The following FASTKD5 variants were observed in gnomAD, a reference collection of about 807,000 sequenced individuals.
FASTKD5 encodes non-canonical pre-mRNAs endonuclease FASTKD5, mitochondrial.
A neutral mutation model predicts 44.0 loss-of-function variants in FASTKD5; 30 were observed. That is an observed-to-expected ratio of 0.68 (90% CI 0.51 to 0.93). FASTKD5 has a LOEUF of 0.93. FASTKD5 is among the 40% of genes least tolerant of loss of function. FASTKD5 has a pLI of 0.00. For synonymous variants in FASTKD5, 335 were observed against 342.2 expected (o/e 0.98, Z 0.23); for missense variants, 868 against 908.2 (o/e 0.96, Z 0.57).
chr20:3,158,061 GCCT>G (rs1184685651), intron 1 of FASTKD5, among the ~76,000 whole-genome samples: 2 of 152,040 alleles, frequency 1.3e-5, no homozygotes, highest in African/African-American at 4.8e-5. Context: ...TCCCACCTCA[GCCT>G]CCTAAGTAGC....
Position 3,146,673 on chromosome 20 carries a change from C to G in FASTKD5, c.*103G>C, listed in dbSNP as rs2066565897. ...GATACAATTAAGTCTCCTCAACACA[C>G]TATTTTATCGCCAAACTTACATTCT... On this transcript the variant is annotated 3_prime_UTR_variant, in exon 2 of 2. Transcript: ENST00000380266. 7.2e-7 allele frequency: 1 copy of G among 1,379,986 alleles called. No homozygotes were observed. The highest frequency in any genetic ancestry group is 1.4e-5 in the African/African-American group (1 of 69,016). 85.5% of individuals were successfully genotyped at this position (1,379,986 alleles called of 1,614,324 possible). A position where few individuals can be genotyped will look rare whatever the true frequency, so the allele number is the denominator to read the frequency against.
At position 3,147,572 on chromosome 20, in the gene FASTKD5, C is replaced by T. The variant is rs770776460; in HGVS notation, c.1499G>A (p.Arg500Lys). 1 of 1,614,186 alleles carries T rather than the reference C, an allele frequency of 6.2e-7. No individual in the cohort carries two copies. Among genetic ancestry groups the T allele is most frequent in the Non-Finnish European group, 8.5e-7 (1 of 1,180,044 alleles). ...AAACTTAGTTCTCTCCTGAGCTAAC[C>T]TGACAAACCCTGGACTGAGAGCGAA... ...IDFALSPGFV[R>K]LAQERTKFDL... The change falls in exon 2 of 2, where the codon AGG becomes AAG. Residue 500 changes from arginine to lysine, a missense_variant. Arg to Lys is a conservative substitution (Grantham distance 26). Transcript: ENST00000380266.
intron 1 of FASTKD5, chr20:3,150,774 C>T (rs1429837285): frequency 1.3e-5 from 2 of 152,234 alleles, no homozygotes; most frequent in Non-Finnish European, 2.9e-5. Flanking sequence ...CCCAGCTACA[C>T]AGGCTTCTCT....
chr20:3,158,773 C>T (rs530160475), intron 1 of FASTKD5, among the ~76,000 whole-genome samples: 1 of 152,306 alleles, frequency 6.6e-6, no homozygotes, highest in African/African-American at 2.4e-5. Context: ...TGTGTCCGGC[C>T]CAGATTTTAT....
rs368858407 is a variant in FASTKD5 at position 3,147,485 on chromosome 20, C to G, written c.1586G>C (p.Arg529Thr). ...AAGGTGAGTACTAAGACGATTGCCT[C>G]TGTAATCTGGACACTCAATGCCAAC... ...GTVGIECPDY[R>T]GNRLSTHLQQ... Residue 529 changes from arginine to threonine, a missense_variant, in exon 2 of 2, where the codon AGA becomes ACA. Transcript: ENST00000380266. 1.8e-5 allele frequency: 29 copies of G among 1,614,220 alleles called. No homozygotes were observed. The highest frequency in any genetic ancestry group is 2.4e-5 in the Non-Finnish European group (28 of 1,180,050).
intron 1 of FASTKD5, among the ~76,000 whole-genome samples, chr20:3,159,400 C>G (rs1406390185): frequency 1.3e-5 from 2 of 152,210 alleles, no homozygotes; most frequent in Non-Finnish European, 2.9e-5. Flanking sequence ...GAATCAGAAT[C>G]TCTAAGCGAT....
chr20:3,154,516 C>T (rs1471390069), intron 1 of FASTKD5, among the ~76,000 whole-genome samples: 4 of 151,834 alleles, frequency 2.6e-5, no homozygotes, highest in African/African-American at 9.7e-5. Context: ...ACCCCCACCT[C>T]TACAAAATAT....
chr20:3,146,774 C>G lies in FASTKD5; in HGVS notation c.*2G>C. On this transcript the variant is annotated 3_prime_UTR_variant, in exon 2 of 2. Coordinates refer to ENST00000380266, the MANE Select transcript of FASTKD5 (RefSeq NM_021826.5). ...TGCCATAGAAATGCCCCTAAATGCC[C>G]TTCAGAGAGCAGAGGTGAATACTTT... 1 of 1,611,660 alleles carries G rather than the reference C, an allele frequency of 6.2e-7. No individual in the cohort carries two copies. The highest frequency in any genetic ancestry group is 1.3e-5 in the African/African-American group (1 of 75,006).
At chr20:3,157,094 C>A (rs1392599631) in intron 1 of FASTKD5, among the ~76,000 whole-genome samples, 1 of 126,754 alleles carries the variant, frequency 7.9e-6, no homozygotes, top group Non-Finnish European at 1.5e-5. Flanking sequence ...GACCCTGTCT[C>A]TACCAAAAAA....
Position 3,148,089 on chromosome 20 carries a change from A to G in FASTKD5, c.982T>C (p.Ser328Pro). The change falls in exon 2 of 2, where the codon TCA (serine) becomes CCA (proline). Residue 328 changes from serine (S) to proline (P), a missense_variant. Transcript: ENST00000380266. ...ACAAATTCAGAGAGATTAGTACTTG[A>G]TTTAAAGAACCCCAAACAGATGGTA... ...VGTICLGFFK[S>P]STNLSEFVMR... The G allele has an allele frequency of 6.2e-7, 1 of 1,614,108 alleles. No homozygotes were observed. Among genetic ancestry groups the G allele is most frequent in the Non-Finnish European group, 8.5e-7 (1 of 1,180,020 alleles).
At chr20:3,157,655 G>A (rs2066700443) in intron 1 of FASTKD5, among the ~76,000 whole-genome samples, 1 of 152,148 alleles carries the variant, frequency 6.6e-6, no homozygotes, top group East Asian at 1.9e-4. Context: ...CAGGCAGTAG[G>A]CACTCATGTC....
rs895115117 is a variant in FASTKD5, at chr20:3,149,696, T to C, written c.-190-436A>G. Among the ~76,000 whole-genome samples the C allele has an allele frequency of 6.6e-6, 1 of 152,160 alleles. No individual in the cohort carries two copies. Among genetic ancestry groups the C allele is most frequent in the African/African-American group, 2.4e-5 (1 of 41,438 alleles). ...ATAAAAACTGCTATGCTAACAGCAC[T>C]AAGTAAAAAGTGGGATCTGGTATAA... is the stretch of plus-strand genomic sequence containing the variant. On this transcript the variant is annotated intron_variant, in intron 1 of 1. Transcript: ENST00000380266. This position sits in a 1 kb window ranked among gnomAD's most constrained non-coding sequence, Gnocchi z 4.1.
At position 3,147,615 on chromosome 20, in the gene FASTKD5, G is replaced by C; in HGVS notation, c.1456C>G (p.Pro486Ala). Residue 486 changes from proline to alanine, a missense_variant, in exon 2 of 2, where the codon CCA becomes GCA. Pro to Ala is a conservative substitution (Grantham distance 27). Coordinates refer to ENST00000380266, the MANE Select transcript of FASTKD5 (RefSeq NM_021826.5). ...AGAGCGAAATCAATTAACTCTACTG[G>C]AAAGTACTCCAAAAATGCCAGGCCC... The part of the protein sequence containing the change: ...LLGLAFLEYF[P>A]VELIDFALSP... The C allele has an allele frequency of 6.2e-7, 1 of 1,614,196 alleles. No homozygotes were observed.
chr20:3,148,291 C>T lies in FASTKD5; in HGVS notation c.780G>A (p.Arg260=), dbSNP rs1339818203. The T allele has an allele frequency of 3.7e-6, 6 of 1,613,040 alleles. No individual in the cohort carries two copies. The highest frequency in any genetic ancestry group is 5.1e-6 in the Non-Finnish European group (6 of 1,179,782). ...GATAACTAGAAAAAATGTTTAAAAA[C>T]CTAGGTACTTTGCGGCCTAAGTACC... ...LWRYLGRKVP[R]FLNIFSSYLN... The change falls in exon 2 of 2, where the codon AGG becomes AGA. Residue 260 remains arginine (R), a synonymous_variant. Coordinates refer to ENST00000380266, the MANE Select transcript of FASTKD5 (RefSeq NM_021826.5).
Position 3,147,824 on chromosome 20 carries a change from G to GCAGC in FASTKD5, c.1243_1246dup (p.Ala416GlyfsTer7). 6.2e-7 allele frequency: 1 copy of GCAGC among 1,614,168 alleles called. No homozygotes were observed. The highest frequency in any genetic ancestry group is 8.5e-7 in the Non-Finnish European group (1 of 1,180,030). On this transcript the variant is annotated frameshift_variant, in exon 2 of 2. Coordinates refer to ENST00000380266, the MANE Select transcript of FASTKD5 (RefSeq NM_021826.5). LOFTEE classifies it high-confidence loss of function. ...GTGTGCCACTCTAGGAGGCAAAGAC[G>GCAGC]CAGCCACTGCATTCATTACTCCTTC...
chr20:3,156,447 G>A (rs544447277), intron 1 of FASTKD5, among the ~76,000 whole-genome samples: 1 of 152,114 alleles, frequency 6.6e-6, no homozygotes, highest in African/African-American at 2.4e-5. Flanking sequence ...CCAAAGTACT[G>A]AGTACAGGCA....
chr20:3,150,879 T>C (rs1447935906), intron 1 of FASTKD5: 1 of 152,224 alleles, frequency 6.6e-6, no homozygotes, highest in Non-Finnish European at 1.5e-5. Flanking sequence ...CTGTGGCTTG[T>C]GGACCATTCT....
chr20:3,147,012 C>CG lies in FASTKD5; in HGVS notation c.2058dup (p.Ala687ArgfsTer71), dbSNP rs745745252. ...ATTCTTGGGGTCTGCATGCAGGCTG[C>CG]GGGGCACAGGCCAGCCATCTCCATG... On this transcript the variant is annotated frameshift_variant, in exon 2 of 2. Transcript: ENST00000380266. LOFTEE classifies it high-confidence loss of function. The CG allele has an allele frequency of 2.3e-5, 37 of 1,614,030 alleles. No individual in the cohort carries two copies. The South Asian group carries it at 4.0e-4, about 17-fold the overall frequency.
chr20:3,149,046 T>G lies in FASTKD5; in HGVS notation c.25A>C (p.Lys9Gln). 2 of 1,613,086 alleles carry G rather than the reference T, an allele frequency of 1.2e-6. No individual in the cohort carries two copies. Among genetic ancestry groups the G allele is most frequent in the Non-Finnish European group, 1.7e-6 (2 of 1,179,392 alleles). The change falls in exon 2 of 2, where the codon AAA becomes CAA. Residue 9 changes from lysine to glutamine, a missense_variant. Transcript: ENST00000380266. The surrounding 1 kb of genome is among the most constrained non-coding windows in gnomAD (Gnocchi z 4.1). Reference sequence around the variant, plus strand: ...CAAAATGCTCGGTATCTTACAAGTTTTAATGACTTGAGAGTAGCTGCCATT... The same window carrying G: ...CAAAATGCTCGGTATCTTACAAGTTGTAATGACTTGAGAGTAGCTGCCATT... MAATLKSL[K>Q]LVRYRAFCSP...
Sources: gnomAD v4.1 joint callset for allele counts (sites outside exome capture counted in the v4.1 genomes callset) on GRCh38, gnomAD v4.1.1 for gene constraint, Gnocchi (gnomAD v3.1) non-coding constraint, MANE v1.5 for transcripts, NCBI Gene and HGNC (gene_info 2026-07-23, HGNC 2026-07-21) for gene names.